Variants in NEDD4L observed in about 807,000 individuals in gnomAD.
The protein encoded by NEDD4L is NEDD4 like E3 ubiquitin protein ligase.
In NEDD4L, 54 loss-of-function variants were observed where a neutral mutation model predicts 148.9. The ratio of observed to expected loss-of-function variants is 0.36; its 90% CI spans 0.29 to 0.45. The LOEUF (loss-of-function observed/expected upper bound fraction) is 0.45. Ranked by LOEUF, NEDD4L falls within the 20% of genes least tolerant of loss-of-function variation. The pLI is 1.00. For missense variants in NEDD4L, 856 were observed against 1,233.8 expected (o/e 0.69, Z 4.59); for synonymous variants, 433 against 440.7 (o/e 0.98, Z 0.22).
At chr18:58,179,061 G>C (rs563098410) in intron 2 of NEDD4L, among the ~76,000 whole-genome samples, 11 of 152,298 alleles carry the variant, frequency 7.2e-5, no homozygotes, top group Non-Finnish European at 1.5e-4. Context: ...CTTGAATCAC[G>C]TGCGAGTTCA....
At chr18:58,052,153 C>T (rs2081903061) in intron 1 of NEDD4L, among the ~76,000 whole-genome samples, 3 of 152,168 alleles carry the variant, frequency 2.0e-5, no homozygotes, top group Admixed American at 6.5e-5. Context: ...TGTGTGGACC[C>T]TTCTGTAACT....
intron 2 of NEDD4L, among the ~76,000 whole-genome samples, chr18:58,237,434 T>C (rs1171396525): frequency 6.6e-6 from 1 of 152,168 alleles, no homozygotes; most frequent in East Asian, 1.9e-4. Flanking sequence ...TAGTTGCACA[T>C]ATATGGGGAA....
At chr18:58,123,465 T>C (rs2030383014) in intron 1 of NEDD4L, among the ~76,000 whole-genome samples, 1 of 152,182 alleles carries the variant, frequency 6.6e-6, no homozygotes, top group Non-Finnish European at 1.5e-5. Flanking sequence ...TGCTGTAGCC[T>C]GAACCTCATG....
chr18:58,129,193 A>G (rs1346300653), intron 1 of NEDD4L, among the ~76,000 whole-genome samples: 2 of 152,204 alleles, frequency 1.3e-5, no homozygotes, highest in African/African-American at 4.8e-5. Context: ...TCAAGACACA[A>G]AGGGCTGACT....
intron 1 of NEDD4L, among the ~76,000 whole-genome samples, chr18:58,074,641 G>C (rs939856673): frequency 6.6e-6 from 1 of 151,818 alleles, no homozygotes; most frequent in Non-Finnish European, 1.5e-5. Flanking sequence ...GGTAATTTGA[G>C]GGTATCAAAA....
intron 1 of NEDD4L, among the ~76,000 whole-genome samples, chr18:58,146,118 A>G (rs912802346): frequency 6.6e-6 from 1 of 152,164 alleles, no homozygotes; most frequent in Non-Finnish European, 1.5e-5. Flanking sequence ...GATTAAAGAG[A>G]GGATGCATAG....
intron 1 of NEDD4L, among the ~76,000 whole-genome samples, chr18:58,083,328 C>A (rs1220844895): frequency 6.6e-6 from 1 of 152,026 alleles, no homozygotes; most frequent in Non-Finnish European, 1.5e-5. Flanking sequence ...AGGGAGTATA[C>A]CTCTAAATTA....
At chr18:58,100,998 G>A (rs1448752898) in intron 1 of NEDD4L, among the ~76,000 whole-genome samples, 1 of 152,064 alleles carries the variant, frequency 6.6e-6, no homozygotes, top group Non-Finnish European at 1.5e-5. Flanking sequence ...TAGAGATGAG[G>A]TCTCACTGGC....
intron 1 of NEDD4L, among the ~76,000 whole-genome samples, chr18:58,082,102 A>ATATATATATATATATATTTTTTTTTTTTT: frequency 2.0e-5 from 1 of 48,856 alleles, no homozygotes; most frequent in African/African-American, 1.3e-4. Context: ...ATATATATAT[A>ATATATATATATATATATTTTTTTTTTTTT]TTTTTTTTTT....
chr18:58,155,870 C>T (rs1012667066), intron 1 of NEDD4L, among the ~76,000 whole-genome samples: 14 of 152,300 alleles, frequency 9.2e-5, no homozygotes, highest in African/African-American at 3.1e-4. Flanking sequence ...GGACTGTTCT[C>T]CTTGTCACCC....
intron 1 of NEDD4L, among the ~76,000 whole-genome samples, chr18:58,061,535 G>A (rs2082335043): frequency 2.0e-5 from 3 of 151,998 alleles, no homozygotes; most frequent in Admixed American, 2.0e-4. Flanking sequence ...AGGCAGGAAG[G>A]AAGGTGGTTA....
At chr18:58,130,128 G>A (rs1207724777) in intron 1 of NEDD4L, among the ~76,000 whole-genome samples, 2 of 149,080 alleles carry the variant, frequency 1.3e-5, no homozygotes, top group African/African-American at 5.0e-5. Flanking sequence ...CTGTGATCTA[G>A]CGGAACTGTG....
chr18:58,280,778 G>T (rs1364309115), intron 5 of NEDD4L, among the ~76,000 whole-genome samples: 3 of 152,086 alleles, frequency 2.0e-5, no homozygotes, highest in African/African-American at 7.2e-5. Context: ...GTTCACTGTA[G>T]AAAAATTAAG....
intron 19 of NEDD4L, among the ~76,000 whole-genome samples, chr18:58,362,544 C>T (rs1485492196): frequency 1.1e-4 from 16 of 152,168 alleles, no homozygotes. Context: ...GGAAGGAAGT[C>T]ACTTTTTTAG....
intron 18 of NEDD4L, among the ~76,000 whole-genome samples, chr18:58,355,970 C>T (rs111975262): frequency 1.3e-5 from 2 of 152,146 alleles, no homozygotes; most frequent in African/African-American, 4.8e-5. Flanking sequence ...TGCACTCCCC[C>T]GCCCCGGTCC....
chr18:58,118,815 G>T (rs973167966), intron 1 of NEDD4L, among the ~76,000 whole-genome samples: 2 of 152,144 alleles, frequency 1.3e-5, no homozygotes, highest in Admixed American at 1.3e-4. Context: ...TCCTGTGGGT[G>T]GGGGAGCTGA....
At chr18:58,286,286 C>T (rs1490724404) in intron 5 of NEDD4L, among the ~76,000 whole-genome samples, 1 of 152,140 alleles carries the variant, frequency 6.6e-6, no homozygotes, top group African/African-American at 2.4e-5. Flanking sequence ...TAGATGCCAC[C>T]CCAGTCCTCA....
chr18:58,091,793 T>C (rs549987231), intron 1 of NEDD4L, among the ~76,000 whole-genome samples: 2 of 152,326 alleles, frequency 1.3e-5, no homozygotes, highest in African/African-American at 4.8e-5. Flanking sequence ...CACTGTGGCA[T>C]GAGAGTTTGT....
intron 1 of NEDD4L, among the ~76,000 whole-genome samples, chr18:58,105,570 G>A (rs1426829213): frequency 1.3e-5 from 2 of 152,094 alleles, no homozygotes; most frequent in African/African-American, 2.4e-5. Flanking sequence ...AGGATCATTG[G>A]TAATGTTTTC....
Sources: gnomAD v4.1 joint callset for allele counts (sites outside exome capture counted in the v4.1 genomes callset) on GRCh38, gnomAD v4.1.1 for gene constraint, MANE v1.5 for transcripts, NCBI Gene and HGNC (gene_info 2026-07-23, HGNC 2026-07-21) for gene names.